Variants in IMMP2L observed in about 807,000 individuals in gnomAD.
IMMP2L encodes inner mitochondrial membrane peptidase subunit 2.
Under a neutral mutation model 19.3 loss-of-function variants are expected in IMMP2L, and 18 were observed. The ratio of observed to expected loss-of-function variants is 0.93; its 90% CI spans 0.64 to 1.38. The LOEUF (loss-of-function observed/expected upper bound fraction) is 1.38. Among genes scored for constraint, IMMP2L ranks in the 40% most tolerant of loss-of-function variants. IMMP2L has a pLI of 0.00. For synonymous variants in IMMP2L, 76 were observed against 73.0 expected (o/e 1.04, Z -0.21); for missense variants, 233 against 218.2 (o/e 1.07, Z -0.43).
intron 3 of IMMP2L, among the ~76,000 whole-genome samples, chr7:111,020,494 G>A (rs1826171553): frequency 1.3e-5 from 2 of 152,162 alleles, no homozygotes; most frequent in Non-Finnish European, 2.9e-5. Context: ...GGGCAGGGTG[G>A]CTCACGCCTG....
At chr7:111,537,585 G>T (rs1419615750) in intron 1 of IMMP2L, among the ~76,000 whole-genome samples, 1 of 140,664 alleles carries the variant, frequency 7.1e-6, no homozygotes, top group Admixed American at 7.4e-5. Context: ...ACCCAGGCTG[G>T]AGTGCCGTGG....
chr7:111,243,591 G>T, intron 3 of IMMP2L, among the ~76,000 whole-genome samples: 1 of 128,132 alleles, frequency 7.8e-6, no homozygotes, highest in African/African-American at 3.0e-5. Context: ...ATGTATACAT[G>T]TGCCATGCTG....
At chr7:111,327,577 A>G (rs1345525169) in intron 3 of IMMP2L, among the ~76,000 whole-genome samples, 2 of 151,660 alleles carry the variant, frequency 1.3e-5, no homozygotes, top group African/African-American at 4.8e-5. Context: ...GCAAATACAT[A>G]ATATATTAAT....
At chr7:111,381,099 T>C (rs1000192591) in intron 3 of IMMP2L, among the ~76,000 whole-genome samples, 22 of 151,978 alleles carry the variant, frequency 1.4e-4, no homozygotes, top group African/African-American at 5.1e-4. Flanking sequence ...CGCGAACTGT[T>C]GTAGCTGATT....
intron 3 of IMMP2L, among the ~76,000 whole-genome samples, chr7:111,138,254 C>T (rs1469680979): frequency 6.6e-6 from 1 of 152,038 alleles, no homozygotes; most frequent in Non-Finnish European, 1.5e-5. Context: ...TGTTTTTGTT[C>T]CACTGGAAAA....
chr7:110,793,209 C>T (rs974917819), intron 5 of IMMP2L, among the ~76,000 whole-genome samples: 2 of 151,940 alleles, frequency 1.3e-5, no homozygotes, highest in African/African-American at 4.8e-5. Flanking sequence ...CACTTGAGGC[C>T]GGGAGGTACA....
chr7:111,413,059 A>G lies in IMMP2L; in HGVS notation c.239+74179T>C, dbSNP rs374025622. On this transcript the variant is annotated intron_variant, in intron 3 of 5. Coordinates refer to ENST00000405709, the MANE Select transcript of IMMP2L (RefSeq NM_032549.4). Reference sequence around the variant, plus strand: ...TATCAGAAATAAAAAAGGAGATATTATCCAGATACTTCAGACATCGAAACA... The same window carrying G: ...TATCAGAAATAAAAAAGGAGATATTGTCCAGATACTTCAGACATCGAAACA... Among the ~76,000 whole-genome samples the G allele has an allele frequency of 1.8e-3, 137 of 74,522 alleles. 7 individuals carry two copies. Among genetic ancestry groups the G allele is most frequent in the African/African-American group, 8.2e-3 (134 of 16,338 alleles). The allele number at this position is 74,522 out of a possible 152,430, so 48.9% of individuals were successfully genotyped here.
intron 3 of IMMP2L, among the ~76,000 whole-genome samples, chr7:111,323,231 A>G (rs1165475476): frequency 6.6e-6 from 1 of 151,850 alleles, no homozygotes; most frequent in Admixed American, 6.6e-5. Context: ...AAATTTCTGC[A>G]ATCTACTCAT....
intron 3 of IMMP2L, among the ~76,000 whole-genome samples, chr7:111,085,935 A>T (rs987322581): frequency 2.6e-5 from 4 of 152,262 alleles, no homozygotes; most frequent in African/African-American, 9.6e-5. Context: ...GGGCTAAGTG[A>T]TGAAAAATCA....
At chr7:110,729,929 A>AC (rs999169191) in intron 5 of IMMP2L, among the ~76,000 whole-genome samples, 1 of 148,606 alleles carries the variant, frequency 6.7e-6, no homozygotes, top group Non-Finnish European at 1.5e-5. Context: ...ATAAAAGTTG[A>AC]TTTTTTTTTT....
At chr7:111,010,432 T>C (rs921440698) in intron 3 of IMMP2L, among the ~76,000 whole-genome samples, 2 of 152,080 alleles carry the variant, frequency 1.3e-5, no homozygotes, top group African/African-American at 4.8e-5. Flanking sequence ...GTATATTCAT[T>C]TGGATGCCTT....
chr7:110,883,382 T>G (rs943551070), intron 5 of IMMP2L, among the ~76,000 whole-genome samples: 5 of 152,234 alleles, frequency 3.3e-5, no homozygotes, highest in Admixed American at 2.0e-4. Flanking sequence ...CATATTTCCT[T>G]CACAAAACAC....
chr7:111,556,640 C>G (rs989703960), intron 1 of IMMP2L, among the ~76,000 whole-genome samples: 9 of 152,094 alleles, frequency 5.9e-5, no homozygotes, highest in Non-Finnish European at 1.0e-4. Flanking sequence ...CAATCATCAT[C>G]ATACTTAATG....
At chr7:111,487,433 A>T in intron 2 of IMMP2L, 92 bp from the exon 3 acceptor site, 1 of 737,186 alleles carries the variant, frequency 1.4e-6, no homozygotes, top group Non-Finnish European at 2.4e-6. Flanking sequence ...ACTGAAATAA[A>T]ACATTTCTAA....
intron 3 of IMMP2L, among the ~76,000 whole-genome samples, chr7:111,320,193 G>A (rs1824536300): frequency 6.6e-6 from 1 of 152,020 alleles, no homozygotes; most frequent in African/African-American, 2.4e-5. Context: ...GTCCTACCAA[G>A]ACAGAAGCTA....
At chr7:111,035,511 T>C (rs900584097) in intron 3 of IMMP2L, among the ~76,000 whole-genome samples, 7 of 152,152 alleles carry the variant, frequency 4.6e-5, no homozygotes, top group African/African-American at 1.7e-4. Context: ...TCTACATATG[T>C]GATCAACTAC....
intron 5 of IMMP2L, among the ~76,000 whole-genome samples, chr7:110,872,399 T>C (rs189971411): frequency 1.3e-5 from 2 of 152,314 alleles, no homozygotes; most frequent in Admixed American, 6.5e-5. Flanking sequence ...CTTCATGATA[T>C]TGTACCTCTG....
rs115233582 is a variant in IMMP2L, at chr7:111,519,063, T to C, written c.135+2250A>G. Among the ~76,000 whole-genome samples, 772 of 152,260 alleles carry C rather than the reference T, an allele frequency of 5.1e-3. 8 individuals carry two copies. The highest frequency in any genetic ancestry group is 0.018 in the African/African-American group (746 of 41,560). On this transcript the variant is annotated intron_variant, in intron 2 of 5. Transcript: ENST00000405709. Reference sequence around the variant, plus strand: ...GCCAAAGTTGATCTGTATAGTTGTATAGATAAGGGCATGTGACCCAAGCTG... The same window carrying C: ...GCCAAAGTTGATCTGTATAGTTGTACAGATAAGGGCATGTGACCCAAGCTG...
intron 3 of IMMP2L, among the ~76,000 whole-genome samples, chr7:111,173,946 C>A (rs1309896456): frequency 1.3e-5 from 2 of 151,684 alleles, no homozygotes. Context: ...AATATATTAA[C>A]AATGCTTACT....
Sources: gnomAD v4.1 joint callset for allele counts (sites outside exome capture counted in the v4.1 genomes callset) on GRCh38, gnomAD v4.1.1 for gene constraint, MANE v1.5 for transcripts, NCBI Gene and HGNC (gene_info 2026-07-23, HGNC 2026-07-21) for gene names.